The following TAFA1 variants were observed in gnomAD, a reference collection of about 807,000 sequenced individuals.
TAFA1 encodes the protein TAFA chemokine like family member 1, also known as chemokine-like protein TAFA-1.
In TAFA1, 4 loss-of-function variants were observed where a neutral mutation model predicts 18.5. The ratio of observed to expected loss-of-function variants is 0.22; its 90% CI spans 0.11 to 0.49. The LOEUF (loss-of-function observed/expected upper bound fraction) is 0.49. Ranked by LOEUF, TAFA1 falls within the 20% of genes least tolerant of loss-of-function variation. The probability of loss-of-function intolerance (pLI) is 0.98; values close to 1 mark genes in which losing one functional copy is unlikely to be tolerated. For missense variants in TAFA1, 147 were observed against 169.0 expected, an observed-to-expected ratio of 0.87 and a Z score of 0.72; for synonymous variants, 56 against 55.2, an observed-to-expected ratio of 1.01 and a Z score of -0.06.
At chr3:68,019,106 C>T (rs1000462445) in intron 2 of TAFA1, among the ~76,000 whole-genome samples, 1 of 152,178 alleles carries the variant, frequency 6.6e-6, no homozygotes, top group Admixed American at 6.5e-5. Flanking sequence ...TACTCTTGGT[C>T]AATTGAAATT....
Position 68,468,910 on chromosome 3 carries a change from C to T in TAFA1, c.259+51490C>T, listed in dbSNP as rs370769449. ...ACTGCCAACTCATCAAAAGCTACAC[C>T]ATTTTTAGTAAGACATAAATTCCAC... On this transcript the variant is annotated intron_variant, in intron 3 of 4. Coordinates refer to ENST00000478136, the MANE Select transcript of TAFA1 (RefSeq NM_213609.4). Among the ~76,000 whole-genome samples the T allele has an allele frequency of 3.9e-5, 6 of 152,210 alleles. No homozygotes were observed. In the South Asian group the frequency reaches 1.2e-3, roughly 32 times the overall value.
chr3:68,019,843 T>A (rs1224661419), intron 2 of TAFA1, among the ~76,000 whole-genome samples: 1 of 152,206 alleles, frequency 6.6e-6, no homozygotes, highest in Non-Finnish European at 1.5e-5. Context: ...GGCAAATTCC[T>A]GACACACAGC....
At chr3:68,118,949 T>G (rs1038524275) in intron 2 of TAFA1, among the ~76,000 whole-genome samples, 3 of 152,184 alleles carry the variant, frequency 2.0e-5, no homozygotes, top group Non-Finnish European at 2.9e-5. Context: ...GGAATCACCA[T>G]ATTGTTTTCC....
chr3:68,049,590 C>G (rs544380950), intron 2 of TAFA1, among the ~76,000 whole-genome samples: 1 of 151,766 alleles, frequency 6.6e-6, no homozygotes, highest in Admixed American at 6.6e-5. Flanking sequence ...AAATGGTAGC[C>G]CTGATAGGTT....
chr3:68,505,399 C>G (rs2072730305), intron 3 of TAFA1, among the ~76,000 whole-genome samples: 1 of 152,100 alleles, frequency 6.6e-6, no homozygotes, highest in African/African-American at 2.4e-5. Flanking sequence ...TTAAATTCAT[C>G]TCTGTTACTT....
chr3:68,241,605 G>A (rs958963383), intron 2 of TAFA1, among the ~76,000 whole-genome samples: 2 of 152,052 alleles, frequency 1.3e-5, no homozygotes, highest in South Asian at 2.1e-4. Context: ...GGTGCCTTGG[G>A]AGCAACATTG....
At position 68,306,504 on chromosome 3, in the gene TAFA1, T is replaced by TTG. The variant is rs148101146; in HGVS notation, c.119-110762_119-110761dup. On this transcript the variant is annotated intron_variant, in intron 2 of 4. Transcript: ENST00000478136. Reference sequence around the variant, plus strand: ...TTTAAACTCACATATACAGTTGTGCTTGTGTGTGTGTGTGTATGTTTAAAT... The same window carrying TTG: ...TTTAAACTCACATATACAGTTGTGCTTGTGTGTGTGTGTGTGTATGTTTAAAT... Among the ~76,000 whole-genome samples the TTG allele has an allele frequency of 2.2e-4, 34 of 151,680 alleles. No homozygotes were observed. The East Asian group carries it at 4.1e-3, about 18-fold the overall frequency.
chr3:68,001,535 T>G (rs1347931316), upstream of TAFA1, among the ~76,000 whole-genome samples: 5 of 152,130 alleles, frequency 3.3e-5, no homozygotes, highest in African/African-American at 1.2e-4. Context: ...CTAAGGATTT[T>G]TATTCTTTCT....
At chr3:68,496,160 T>C (rs1243608205) in intron 3 of TAFA1, among the ~76,000 whole-genome samples, 1 of 152,160 alleles carries the variant, frequency 6.6e-6, no homozygotes, top group Non-Finnish European at 1.5e-5. Context: ...AAGATCAGCG[T>C]TAACGAGAAT....
chr3:68,501,885 G>A (rs1228456560), intron 3 of TAFA1, among the ~76,000 whole-genome samples: 3 of 152,156 alleles, frequency 2.0e-5, no homozygotes, highest in African/African-American at 7.2e-5. Flanking sequence ...GCATAGAGAC[G>A]TGTAGTGTGG....
At chr3:68,180,135 C>G (rs1176672190) in intron 2 of TAFA1, among the ~76,000 whole-genome samples, 1 of 151,442 alleles carries the variant, frequency 6.6e-6, no homozygotes, top group Non-Finnish European at 1.5e-5. Context: ...TCAAGTAATT[C>G]TTCTGCCTTA....
At chr3:68,215,433 C>T (rs948876743) in intron 2 of TAFA1, among the ~76,000 whole-genome samples, 1 of 152,024 alleles carries the variant, frequency 6.6e-6, no homozygotes, top group African/African-American at 2.4e-5. Context: ...TCTAGGTAAT[C>T]TTGCTTGGAT....
At position 68,465,819 on chromosome 3, in the gene TAFA1, G is replaced by A. The variant is rs181393524; in HGVS notation, c.259+48399G>A. Among the ~76,000 whole-genome samples the A allele has an allele frequency of 2.5e-3, 373 of 152,020 alleles. 1 individual carries two copies. Among genetic ancestry groups the A allele is most frequent in the African/African-American group, 8.5e-3 (351 of 41,510 alleles). On this transcript the variant is annotated intron_variant, in intron 3 of 4. Coordinates refer to ENST00000478136, the MANE Select transcript of TAFA1 (RefSeq NM_213609.4). ...TGAACATTCCTAACTGAAAAATGTT[G>A]TCTGTTTGCTAGGAAATTATGTATA... is the stretch of plus-strand genomic sequence containing the variant.
At chr3:68,542,046 G>A (rs564287412) in intron 4 of TAFA1, among the ~76,000 whole-genome samples, 76 of 152,266 alleles carry the variant, frequency 5.0e-4, no homozygotes, top group African/African-American at 1.7e-3. Flanking sequence ...AGGAACAATG[G>A]ATCTGAGTGA....
chr3:68,338,673 C>T (rs1172702721), intron 2 of TAFA1, among the ~76,000 whole-genome samples: 1 of 152,136 alleles, frequency 6.6e-6, no homozygotes, highest in African/African-American at 2.4e-5. Flanking sequence ...TTTCTTATTC[C>T]AAACCTGTAT....
At position 68,039,343 on chromosome 3, in the gene TAFA1, T is replaced by C. The variant is rs184029116; in HGVS notation, c.118+32599T>C. On this transcript the variant is annotated intron_variant, in intron 2 of 4. Transcript: ENST00000478136. ...GAATAATACATGAATATAATCACCATATAAAAGTGGAAACCTTATGGATAA... is the reference window on the plus strand; with the variant it reads ...GAATAATACATGAATATAATCACCACATAAAAGTGGAAACCTTATGGATAA... Among the ~76,000 whole-genome samples the C allele has an allele frequency of 6.4e-4, 97 of 152,292 alleles. No individual in the cohort carries two copies. The Middle Eastern group carries it at 0.044, about 69-fold the overall frequency.
At chr3:68,233,360 G>A (rs2107120270) in intron 2 of TAFA1, among the ~76,000 whole-genome samples, 1 of 152,086 alleles carries the variant, frequency 6.6e-6, no homozygotes, top group African/African-American at 2.4e-5. Context: ...GTCTAATATA[G>A]TTTTTCAGTA....
intron 2 of TAFA1, among the ~76,000 whole-genome samples, chr3:68,236,440 C>CT (rs1348494601): frequency 2.6e-5 from 4 of 152,190 alleles, no homozygotes; most frequent in Non-Finnish European, 5.9e-5. Flanking sequence ...AAATACTTGG[C>CT]TAAAGCCACT....
chr3:68,124,625 A>G (rs1229093381), intron 2 of TAFA1, among the ~76,000 whole-genome samples: 1 of 152,232 alleles, frequency 6.6e-6, no homozygotes, highest in African/African-American at 2.4e-5. Flanking sequence ...AGTGTCTTAA[A>G]CACTGTACTA....
Sources: allele counts gnomAD v4.1 joint callset (sites outside exome capture counted in the v4.1 genomes callset), GRCh38; gene constraint gnomAD v4.1.1; transcripts MANE v1.5; gene names NCBI Gene and HGNC (gene_info 2026-07-23, HGNC 2026-07-21).